Variants in PCSK1 observed in about 807,000 individuals in gnomAD.
PCSK1 encodes the protein proprotein convertase subtilisin/kexin type 1.
In PCSK1, 56 loss-of-function variants were observed where a neutral mutation model predicts 90.6. The ratio of observed to expected loss-of-function variants is 0.62; its 90% CI spans 0.50 to 0.77. PCSK1 has a LOEUF of 0.77. Among genes scored for constraint, PCSK1 ranks in the 30% least tolerant of loss-of-function variants. The pLI, the probability that PCSK1 is intolerant of heterozygous loss-of-function variation, is 0.00. For missense variants in PCSK1, 801 were observed against 932.6 expected (o/e 0.86, Z 1.84); for synonymous variants, 348 against 342.4 (o/e 1.02, Z -0.18).
intron 8 of PCSK1, among the ~76,000 whole-genome samples, chr5:96,409,810 G>A (rs112097415): frequency 1.3e-5 from 2 of 152,298 alleles, no homozygotes; most frequent in Admixed American, 6.5e-5. Flanking sequence ...GAAGAGATGC[G>A]CGTGAGAAGC....
At chr5:96,418,284 C>A (rs778004722) in intron 5 of PCSK1, among the ~76,000 whole-genome samples, 11 of 152,178 alleles carry the variant, frequency 7.2e-5, no homozygotes, top group Non-Finnish European at 1.2e-4. Flanking sequence ...CAGTAAAGAA[C>A]TTTCTATTAT....
chr5:96,417,688 C>T (rs1760979401), intron 5 of PCSK1, among the ~76,000 whole-genome samples: 1 of 152,160 alleles, frequency 6.6e-6, no homozygotes, highest in African/African-American at 2.4e-5. Context: ...GAAACTAGAA[C>T]ATCACTTGGG....
intron 9 of PCSK1, among the ~76,000 whole-genome samples, chr5:96,406,335 T>G (rs1296598539): frequency 2.0e-5 from 3 of 152,228 alleles, no homozygotes; most frequent in African/African-American, 7.2e-5. Context: ...GATGCCAGTC[T>G]CAGCTTGTGT....
Position 96,410,882 on chromosome 5 carries a change from G to A in PCSK1, c.987C>T (p.Ile329=). Residue 329 remains isoleucine, a synonymous_variant, in exon 8 of 14, where the codon ATC becomes ATT. Transcript: ENST00000311106. ...CDGYTDSIYT[I]SISSASQQGL... is the part of the protein sequence containing the mutation. ...CTTGCTGGGAGGCACTGCTGATGGA[G>A]ATGGTGTAGATGCTGTCTGTGTAGC... 1 of 1,613,818 alleles carries A rather than the reference G, an allele frequency of 6.2e-7. No individual in the cohort carries two copies.
rs1161754851 is a variant in PCSK1 at position 96,390,881 on chromosome 5, G to T, written c.*2120C>A. The T allele has an allele frequency of 6.6e-6, 1 of 152,614 alleles. No individual in the cohort carries two copies. Among genetic ancestry groups the T allele is most frequent in the Non-Finnish European group, 1.5e-5 (1 of 68,042 alleles). The allele number at this position is 152,614 out of a possible 1,614,324, so 9.5% of individuals were successfully genotyped here. A position where few individuals can be genotyped will look rare whatever the true frequency, so the allele number is the denominator to read the frequency against. ...ATTTAAATATTAAAGCTTCTTGAGAGTGAACCTTTGGCTACAACCCAATGA... is the reference window on the plus strand; with the variant it reads ...ATTTAAATATTAAAGCTTCTTGAGATTGAACCTTTGGCTACAACCCAATGA... On this transcript the variant is annotated 3_prime_UTR_variant, in exon 14 of 14. Coordinates refer to ENST00000311106, the MANE Select transcript of PCSK1 (RefSeq NM_000439.5).
At chr5:96,419,245 T>C (rs1028220690) in intron 5 of PCSK1, among the ~76,000 whole-genome samples, 1 of 150,758 alleles carries the variant, frequency 6.6e-6, no homozygotes, top group East Asian at 1.9e-4. Flanking sequence ...TAGATATAGA[T>C]AAATAATCTA....
rs201860255 is a variant in PCSK1, at chr5:96,400,174, G to C, written c.1209C>G (p.Thr403=). ...CAACCAGGTGCTGCATATCTCGCCA[G>C]GTGAGATTTGGGCTGGAGGGGAAGT... ...ALALEANPNL[T]WRDMQHLVVW... The change falls in exon 10 of 14, where the codon ACC becomes ACG. Residue 403 remains threonine (T), a synonymous_variant. Transcript: ENST00000311106. The C allele has an allele frequency of 1.9e-6, 3 of 1,613,686 alleles. No homozygotes were observed. In the East Asian group the frequency reaches 6.7e-5, roughly 36 times the overall value.
intron 9 of PCSK1, among the ~76,000 whole-genome samples, chr5:96,407,182 T>C (rs111348680): frequency 6.6e-6 from 1 of 152,152 alleles, no homozygotes; most frequent in Non-Finnish European, 1.5e-5. Flanking sequence ...CTGACAAACA[T>C]AACTACATAC....
At chr5:96,414,644 A>G (rs1760884286) in intron 6 of PCSK1, among the ~76,000 whole-genome samples, 1 of 152,232 alleles carries the variant, frequency 6.6e-6, no homozygotes, top group Non-Finnish European at 1.5e-5. Flanking sequence ...TCAGTTCTAC[A>G]CTGCCACAAA....
At chr5:96,394,090 GT>G (rs1389760168) in intron 13 of PCSK1, among the ~76,000 whole-genome samples, 1 of 152,374 alleles carries the variant, frequency 6.6e-6, no homozygotes, top group Non-Finnish European at 1.5e-5. Context: ...TCATGTGTAA[GT>G]TTCTTGAATA....
At chr5:96,396,951 A>G (rs1305571052) in intron 12 of PCSK1, among the ~76,000 whole-genome samples, 1 of 152,250 alleles carries the variant, frequency 6.6e-6, no homozygotes, top group Non-Finnish European at 1.5e-5. Flanking sequence ...CATGCCTTTA[A>G]GATGTGACTC....
At chr5:96,422,927 G>A (rs1419450038) in intron 4 of PCSK1, among the ~76,000 whole-genome samples, 2 of 145,028 alleles carry the variant, frequency 1.4e-5, no homozygotes, top group African/African-American at 5.8e-5. Flanking sequence ...TACAATGTCA[G>A]GGATATAGAC....
intron 6 of PCSK1, among the ~76,000 whole-genome samples, chr5:96,414,396 A>G (rs1760876685): frequency 6.9e-6 from 1 of 145,136 alleles, no homozygotes; most frequent in Non-Finnish European, 1.5e-5. Flanking sequence ...GAGGCCAGGA[A>G]GGGATAGTGA....
At chr5:96,432,161 G>A (rs1291313165) in intron 1 of PCSK1, 4 of 1,533,432 alleles carry the variant, frequency 2.6e-6, no homozygotes, top group Non-Finnish European at 8.7e-7. Flanking sequence ...GGACTGGCCG[G>A]GCAAAGTTAT....
Position 96,394,254 on chromosome 5 carries a change from C to T in PCSK1, c.1884+610G>A, listed in dbSNP as rs77789642. Among the ~76,000 whole-genome samples the T allele has an allele frequency of 9.2e-3, 1,395 of 152,302 alleles. 15 individuals carry two copies. The highest frequency in any genetic ancestry group is 0.032 in the African/African-American group (1,326 of 41,562). On this transcript the variant is annotated intron_variant, in intron 13 of 13. Transcript: ENST00000311106. ...AGATAAAGAAAATGTGGGCTTTTCT[C>T]ACCATCTGATAGAAGGAAGCCAGGA... is the stretch of plus-strand genomic sequence containing the variant.
At chr5:96,407,025 A>T (rs1193053082) in intron 9 of PCSK1, among the ~76,000 whole-genome samples, 2 of 152,226 alleles carry the variant, frequency 1.3e-5, no homozygotes, top group Admixed American at 6.5e-5. Flanking sequence ...TTAACATCAT[A>T]CACTAAAATA....
rs34702966 is a variant in PCSK1 at position 96,413,800 on chromosome 5, C to CA, written c.710-1311dup. Among the ~76,000 whole-genome samples, 80 of 105,688 alleles carry CA rather than the reference C, an allele frequency of 7.6e-4. 1 individual carries two copies. In the East Asian group the frequency reaches 0.017, roughly 23 times the overall value. 69.3% of individuals were successfully genotyped at this position (105,688 alleles called of 152,430 possible). ...TGGGCAACAGAGCAAGACTCTGTCT[C>CA]AAAAAAAAAAAAAAAAAATGCATTT... is the stretch of plus-strand genomic sequence containing the variant. On this transcript the variant is annotated intron_variant, in intron 6 of 13. Coordinates refer to ENST00000311106, the MANE Select transcript of PCSK1 (RefSeq NM_000439.5).
rs1759910083 is a variant in PCSK1, at chr5:96,390,655, C to G, written c.*2346G>C. On this transcript the variant is annotated 3_prime_UTR_variant, in exon 14 of 14. Coordinates refer to ENST00000311106, the MANE Select transcript of PCSK1 (RefSeq NM_000439.5). Reference sequence around the variant, plus strand: ...GTTCTTTAATATAATTTATTATGCTCTTTAAAATTCTGTTTGATAAAAGCA... The same window carrying G: ...GTTCTTTAATATAATTTATTATGCTGTTTAAAATTCTGTTTGATAAAAGCA... The G allele has an allele frequency of 6.6e-6, 1 of 152,486 alleles. No individual in the cohort carries two copies. The allele number at this position is 152,486 out of a possible 1,614,324, so 9.4% of individuals were successfully genotyped here.
At chr5:96,422,450 T>G (rs1761158574) in intron 4 of PCSK1, among the ~76,000 whole-genome samples, 1 of 152,094 alleles carries the variant, frequency 6.6e-6, no homozygotes. Flanking sequence ...AACATGTAAT[T>G]TAATTTGAGA....
Sources: gnomAD v4.1 joint callset for allele counts (sites outside exome capture counted in the v4.1 genomes callset) on GRCh38, gnomAD v4.1.1 for gene constraint, MANE v1.5 for transcripts, NCBI Gene and HGNC (gene_info 2026-07-23, HGNC 2026-07-21) for gene names.